Variants in MGMT observed in about 807,000 individuals in gnomAD.
MGMT encodes methylated-DNA--protein-cysteine methyltransferase.
A neutral mutation model predicts 15.9 loss-of-function variants in MGMT; 14 were observed. That is an observed-to-expected ratio of 0.88 (90% confidence interval 0.58 to 1.37). The LOEUF (loss-of-function observed/expected upper bound fraction) is 1.37. Among genes scored for constraint, MGMT ranks in the 40% most tolerant of loss-of-function variants. MGMT has a pLI of 0.00. For missense variants in MGMT, 282 were observed against 268.1 expected (o/e 1.05, Z -0.36); for synonymous variants, 130 against 118.2 (o/e 1.10, Z -0.65).
At chr10:129,471,821 G>A (rs1845234716) in intron 1 of MGMT, among the ~76,000 whole-genome samples, 1 of 152,194 alleles carries the variant, frequency 6.6e-6, no homozygotes, top group Non-Finnish European at 1.5e-5. Context: ...GGCAAGATCC[G>A]AGTCCCCCTT....
At chr10:129,688,535 G>A (rs977277161) in intron 2 of MGMT, among the ~76,000 whole-genome samples, 20 of 152,142 alleles carry the variant, frequency 1.3e-4, no homozygotes, top group African/African-American at 4.3e-4. Flanking sequence ...TTTTGATGGT[G>A]TTGTTTGATT....
chr10:129,588,467 C>T (rs12768004), intron 2 of MGMT, among the ~76,000 whole-genome samples: 13,635 of 152,218 alleles, frequency 0.09, 670 homozygotes, highest in African/African-American at 0.1. Flanking sequence ...GGAAGTCTTA[C>T]GTCTTTCCTC....
intron 3 of MGMT, among the ~76,000 whole-genome samples, chr10:129,716,851 G>C (rs1398601784): frequency 6.6e-6 from 1 of 152,190 alleles, no homozygotes; most frequent in African/African-American, 2.4e-5. Flanking sequence ...TAACTGTGAA[G>C]GAGCCAAATC....
intron 4 of MGMT, among the ~76,000 whole-genome samples, chr10:129,764,203 G>A (rs1199050559): frequency 2.0e-5 from 3 of 152,216 alleles, no homozygotes; most frequent in Admixed American, 6.5e-5. Context: ...GACTCCATTC[G>A]GCCGGAGGCT....
At chr10:129,705,939 G>A (rs79617549) in intron 2 of MGMT, among the ~76,000 whole-genome samples, 13,916 of 152,224 alleles carry the variant, frequency 0.091, 949 homozygotes, top group Admixed American at 0.19. Context: ...GGCTGAATCC[G>A]CACAGAGCTG....
chr10:129,587,823 T>C (rs1405596459), intron 2 of MGMT, among the ~76,000 whole-genome samples: 2 of 152,202 alleles, frequency 1.3e-5, no homozygotes, highest in Admixed American at 1.3e-4. Context: ...AACATCTTTG[T>C]CAGTTTTGGG....
chr10:129,472,732 G>A lies in MGMT; in HGVS notation c.-13+5436G>A, dbSNP rs577925561. Among the ~76,000 whole-genome samples the A allele has an allele frequency of 2.5e-3, 381 of 152,332 alleles. 3 individuals carry two copies. The highest frequency in any genetic ancestry group is 4.5e-3 in the Non-Finnish European group (306 of 68,032). On this transcript the variant is annotated intron_variant, in intron 1 of 4. Coordinates refer to ENST00000651593, the MANE Select transcript of MGMT (RefSeq NM_002412.5). Reference sequence around the variant, plus strand: ...GCGCTGGGGAGGCCTGAATGAAGGCGGTTGGTGTTTGCGGATGCAGAGTCG... The same window carrying A: ...GCGCTGGGGAGGCCTGAATGAAGGCAGTTGGTGTTTGCGGATGCAGAGTCG...
At chr10:129,731,356 C>CTTTT (rs547636043) in intron 3 of MGMT, among the ~76,000 whole-genome samples, 42 of 96,982 alleles carry the variant, frequency 4.3e-4, no homozygotes, top group Non-Finnish European at 4.6e-4. Flanking sequence ...AAACCTAAGA[C>CTTTT]TTTTTTTTTT....
chr10:129,695,988 C>G (rs1239031243), intron 2 of MGMT, among the ~76,000 whole-genome samples: 1 of 152,116 alleles, frequency 6.6e-6, no homozygotes, highest in South Asian at 2.1e-4. Context: ...GTGGCTTTGT[C>G]CTCGCGGTCT....
chr10:129,700,571 G>C (rs1045241479), intron 2 of MGMT: 6 of 152,236 alleles, frequency 3.9e-5, no homozygotes, highest in Admixed American at 2.0e-4. Flanking sequence ...CCAGAGGAAG[G>C]GACAGCCCTG....
intron 2 of MGMT, among the ~76,000 whole-genome samples, chr10:129,542,655 A>G (rs535647618): frequency 6.6e-6 from 1 of 152,336 alleles, no homozygotes; most frequent in African/African-American, 2.4e-5. Context: ...TTTACTTTAT[A>G]GAGTGTTCCT....
intron 1 of MGMT, among the ~76,000 whole-genome samples, chr10:129,512,259 C>T (rs1845692249): frequency 6.6e-6 from 1 of 152,166 alleles, no homozygotes; most frequent in Non-Finnish European, 1.5e-5. Flanking sequence ...CTGCTTGCTT[C>T]TTGTTTTCTT....
At chr10:129,480,103 T>A (rs1437992022) in intron 1 of MGMT, among the ~76,000 whole-genome samples, 8 of 152,248 alleles carry the variant, frequency 5.3e-5, no homozygotes, top group Non-Finnish European at 1.2e-4. Context: ...AATGCCTGGA[T>A]GAATAGAAGA....
chr10:129,680,866 C>A (rs1248342743), intron 2 of MGMT, among the ~76,000 whole-genome samples: 2 of 152,186 alleles, frequency 1.3e-5, no homozygotes, highest in East Asian at 3.9e-4. Flanking sequence ...GATGCCTCCC[C>A]ACAGGGGCCT....
intron 2 of MGMT, among the ~76,000 whole-genome samples, chr10:129,690,240 TGAA>T (rs1178935774): frequency 6.6e-6 from 1 of 152,234 alleles, no homozygotes; most frequent in Non-Finnish European, 1.5e-5. Context: ...AGAGAATGGA[TGAA>T]GAAGTCTAGG....
chr10:129,697,290 A>C (rs754550831), intron 2 of MGMT, among the ~76,000 whole-genome samples: 1 of 152,204 alleles, frequency 6.6e-6, no homozygotes, highest in African/African-American at 2.4e-5. Context: ...AATATATGCC[A>C]TCAAGGGCAG....
At chr10:129,615,551 A>G (rs1443304862) in intron 2 of MGMT, among the ~76,000 whole-genome samples, 4 of 152,220 alleles carry the variant, frequency 2.6e-5, no homozygotes, top group East Asian at 1.9e-4. Context: ...TCAACCAAGC[A>G]TATTCCTGCC....
chr10:129,529,231 A>T (rs1004860794), intron 1 of MGMT, among the ~76,000 whole-genome samples: 4 of 151,780 alleles, frequency 2.6e-5, no homozygotes, highest in Admixed American at 2.6e-4. Context: ...CAGAGAAGGA[A>T]GTGTGGGCCT....
intron 2 of MGMT, among the ~76,000 whole-genome samples, chr10:129,680,145 G>A (rs1847833984): frequency 6.6e-6 from 1 of 152,188 alleles, no homozygotes; most frequent in Non-Finnish European, 1.5e-5. Flanking sequence ...GCGATCACAT[G>A]CTATTGTAGT....
Sources: gnomAD v4.1 joint callset for allele counts (sites outside exome capture counted in the v4.1 genomes callset) on GRCh38, gnomAD v4.1.1 for gene constraint, MANE v1.5 for transcripts, NCBI Gene and HGNC (gene_info 2026-07-23, HGNC 2026-07-21) for gene names.